Variants in LRMDA observed in about 807,000 individuals in gnomAD.
The protein encoded by LRMDA is leucine rich melanocyte differentiation associated.
Under a neutral mutation model 29.8 loss-of-function variants are expected in LRMDA, and 18 were observed. The ratio of observed to expected loss-of-function variants is 0.60; its 90% confidence interval spans 0.42 to 0.90. The LOEUF (loss-of-function observed/expected upper bound fraction) is 0.90, where lower values mean the gene tolerates loss of function less well. Among genes scored for constraint, LRMDA ranks in the 40% least tolerant of loss-of-function variants. The probability of loss-of-function intolerance (pLI) is 0.00; values close to 1 mark genes in which losing one functional copy is unlikely to be tolerated. For synonymous variants in LRMDA, 125 were observed against 109.4 expected (o/e 1.14, Z -0.89); for missense variants, 273 against 273.9 (o/e 1.00, Z 0.02).
intron 5 of LRMDA, among the ~76,000 whole-genome samples, chr10:76,093,622 TAAG>T (rs1325855515): frequency 6.6e-6 from 1 of 152,112 alleles, no homozygotes; most frequent in Admixed American, 6.6e-5. Context: ...TTGCCCGACT[TAAG>T]AACAGTCTTG....
chr10:76,004,652 C>G (rs570295427), intron 2 of LRMDA, among the ~76,000 whole-genome samples: 32 of 151,686 alleles, frequency 2.1e-4, no homozygotes, highest in Admixed American at 8.5e-4. Context: ...ATTTTGTTGT[C>G]GATAGTGTAG....
At chr10:75,847,718 A>G (rs963593991) in intron 2 of LRMDA, among the ~76,000 whole-genome samples, 7 of 152,236 alleles carry the variant, frequency 4.6e-5, no homozygotes, top group Non-Finnish European at 7.3e-5. Flanking sequence ...AGATATACAA[A>G]TGGCTAACAA....
chr10:76,135,454 A>G (rs1273302113), intron 5 of LRMDA, among the ~76,000 whole-genome samples: 1 of 152,152 alleles, frequency 6.6e-6, no homozygotes, highest in South Asian at 2.1e-4. Context: ...GGAAATGGTC[A>G]CCTATTTGGT....
At chr10:76,368,791 G>C (rs1157343170) in intron 6 of LRMDA, among the ~76,000 whole-genome samples, 2 of 152,132 alleles carry the variant, frequency 1.3e-5, no homozygotes, top group Admixed American at 6.6e-5. Flanking sequence ...TCCAGTGTTA[G>C]GTGCATGTAT....
chr10:75,926,373 T>G (rs1221259532), intron 2 of LRMDA, among the ~76,000 whole-genome samples: 2 of 152,134 alleles, frequency 1.3e-5, no homozygotes, highest in East Asian at 3.9e-4. Context: ...CCAAGTTAGA[T>G]TCAAAACACT....
intron 2 of LRMDA, among the ~76,000 whole-genome samples, chr10:75,582,206 CTG>C (rs1484797719): frequency 6.6e-6 from 1 of 152,184 alleles, no homozygotes; most frequent in Non-Finnish European, 1.5e-5. Flanking sequence ...ACTGGGGACT[CTG>C]TGTGGGGGCT....
At chr10:76,541,564 C>A (rs1333588150) in intron 6 of LRMDA, among the ~76,000 whole-genome samples, 1 of 148,122 alleles carries the variant, frequency 6.8e-6, no homozygotes, top group Non-Finnish European at 1.5e-5. Context: ...CATATTTATT[C>A]TTTAAGTCAG....
At chr10:75,823,032 A>G (rs1254673344) in intron 2 of LRMDA, among the ~76,000 whole-genome samples, 1 of 152,242 alleles carries the variant, frequency 6.6e-6, no homozygotes, top group Non-Finnish European at 1.5e-5. Context: ...ACCTAGGAGA[A>G]ACTGTTCTGG....
intron 2 of LRMDA, among the ~76,000 whole-genome samples, chr10:75,805,281 C>A (rs1315522124): frequency 1.3e-5 from 2 of 152,118 alleles, no homozygotes; most frequent in Non-Finnish European, 2.9e-5. Context: ...TGGTGTTCAT[C>A]TGAGAGGTCC....
At chr10:75,698,083 A>G (rs145001806) in intron 2 of LRMDA, among the ~76,000 whole-genome samples, 6 of 152,344 alleles carry the variant, frequency 3.9e-5, no homozygotes, top group African/African-American at 9.6e-5. Context: ...ATAAAGTCAC[A>G]TAGCTGGGAA....
intron 5 of LRMDA, among the ~76,000 whole-genome samples, chr10:76,210,924 A>G (rs1297927875): frequency 1.3e-5 from 2 of 152,170 alleles, no homozygotes; most frequent in Non-Finnish European, 2.9e-5. Context: ...TAAGAGTTTT[A>G]TTCTAAAAGT....
At chr10:75,562,961 C>T (rs906698267) in intron 2 of LRMDA, among the ~76,000 whole-genome samples, 3 of 152,118 alleles carry the variant, frequency 2.0e-5, no homozygotes, top group African/African-American at 4.8e-5. Context: ...CTGCCCTTAA[C>T]ATTTTTTCCT....
chr10:75,914,128 C>T (rs528453766), intron 2 of LRMDA, among the ~76,000 whole-genome samples: 1 of 152,150 alleles, frequency 6.6e-6, no homozygotes, highest in African/African-American at 2.4e-5. Context: ...GAGAAGACTG[C>T]GCAAGGATTT....
At chr10:75,662,172 C>G (rs1485333556) in intron 2 of LRMDA, among the ~76,000 whole-genome samples, 1 of 151,618 alleles carries the variant, frequency 6.6e-6, no homozygotes, top group Admixed American at 6.6e-5. Flanking sequence ...TTTTACATTT[C>G]AAAGTGCAAA....
At position 76,091,276 on chromosome 10, in the gene LRMDA, C is replaced by CGTGTGTGTGTGTGT. The variant is rs56145957; in HGVS notation, c.516+32522_516+32535dup. On this transcript the variant is annotated intron_variant, in intron 5 of 6. Coordinates refer to ENST00000611255, the MANE Select transcript of LRMDA (RefSeq NM_001305581.2). ...GTTCTCCTGAAATAAACATGGTGGA[C>CGTGTGTGTGTGTGT]GTGTGTGTGTGTGTGTGTGTGTGTG... is the stretch of plus-strand genomic sequence containing the variant. 9.5e-5 allele frequency among the ~76,000 whole-genome samples: 14 copies of CGTGTGTGTGTGTGT among 146,908 alleles called. No homozygotes were observed. In the South Asian group the frequency reaches 3.2e-3, roughly 33 times the overall value.
intron 2 of LRMDA, among the ~76,000 whole-genome samples, chr10:75,777,069 G>A (rs892610772): frequency 1.3e-5 from 2 of 152,168 alleles, no homozygotes; most frequent in African/African-American, 4.8e-5. Flanking sequence ...GTGGGGAGCC[G>A]GGTTTACTCT....
intron 5 of LRMDA, among the ~76,000 whole-genome samples, chr10:76,248,137 C>T (rs575212396): frequency 4.5e-4 from 69 of 152,244 alleles, no homozygotes; most frequent in South Asian, 8.3e-4. Flanking sequence ...TATTTTGACT[C>T]CCAAGAGTCA....
chr10:76,544,821 A>T (rs2132388597), intron 6 of LRMDA, among the ~76,000 whole-genome samples: 1 of 152,168 alleles, frequency 6.6e-6, no homozygotes, highest in East Asian at 1.9e-4. Context: ...ATATTTTACC[A>T]TTTGGCACTG....
intron 5 of LRMDA, among the ~76,000 whole-genome samples, chr10:76,309,558 A>C (rs899239703): frequency 2.0e-5 from 3 of 152,126 alleles, no homozygotes; most frequent in Non-Finnish European, 4.4e-5. Flanking sequence ...AATAGGGCAA[A>C]AGGGCAAGGA....
Sources: gnomAD v4.1 joint callset for allele counts (sites outside exome capture counted in the v4.1 genomes callset) on GRCh38, gnomAD v4.1.1 for gene constraint, MANE v1.5 for transcripts, NCBI Gene and HGNC (gene_info 2026-07-23, HGNC 2026-07-21) for gene names.